AHCTF1: variants seen among roughly 807,000 people sequenced by gnomAD.
AHCTF1 encodes the protein AT-hook containing transcription factor 1, also known as protein ELYS.
Under a neutral mutation model 248.4 loss-of-function variants are expected in AHCTF1, and 24 were observed. The observed-to-expected ratio is 0.10, with a 90% CI of 0.07 to 0.14. The LOEUF (loss-of-function observed/expected upper bound fraction) is 0.14. Among genes scored for constraint, AHCTF1 ranks in the 10% least tolerant of loss-of-function variants. The probability of loss-of-function intolerance (pLI) is 1.00; values close to 1 mark genes in which losing one functional copy is unlikely to be tolerated. For synonymous variants in AHCTF1, 786 were observed against 929.8 expected, an observed-to-expected ratio of 0.85 and a Z score of 2.81; for missense variants, 2,206 against 2,636.2, an observed-to-expected ratio of 0.84 and a Z score of 3.57.
chr1:246,877,675 T>C (rs1663075159), intron 21 of AHCTF1, among the ~76,000 whole-genome samples: 1 of 152,112 alleles, frequency 6.6e-6, no homozygotes, highest in African/African-American at 2.4e-5. Flanking sequence ...AAGACTGAGA[T>C]CTATAGATGG....
At chr1:246,917,296 G>A (rs975231338) in intron 2 of AHCTF1, among the ~76,000 whole-genome samples, 2 of 152,180 alleles carry the variant, frequency 1.3e-5, no homozygotes, top group Admixed American at 6.5e-5. Context: ...CAAGAATCAA[G>A]TACAGACTCC....
chr1:246,924,374 A>G, intron 1 of AHCTF1, among the ~76,000 whole-genome samples: 1 of 152,158 alleles, frequency 6.6e-6, no homozygotes, highest in East Asian at 1.9e-4. Context: ...AATATTCACA[A>G]AACATTAGTG....
chr1:246,928,171 T>C (rs1462146272), intron 1 of AHCTF1, among the ~76,000 whole-genome samples: 8 of 150,556 alleles, frequency 5.3e-5, no homozygotes, highest in Non-Finnish European at 7.4e-5. Flanking sequence ...GGCGTGGTGG[T>C]GGGCACCTGT....
In AHCTF1 at chr1:246,839,469, A is replaced by G; in HGVS notation, c.*1337T>C. On this transcript the variant is annotated 3_prime_UTR_variant, in exon 36 of 36. Transcript: ENST00000648844. ...ATACAAGTTTGATAACTATCATTAA[A>G]AAAGTAATAAAATCAAAGTCAGTGA... 1 of 904,466 alleles carries G rather than the reference A, an allele frequency of 1.1e-6. No homozygotes were observed. Among genetic ancestry groups the G allele is most frequent in the South Asian group, 5.1e-5 (1 of 19,636 alleles). 56.0% of individuals were successfully genotyped at this position (904,466 alleles called of 1,614,324 possible).
intron 26 of AHCTF1, among the ~76,000 whole-genome samples, chr1:246,866,505 C>T (rs1451553664): frequency 6.6e-6 from 1 of 152,150 alleles, no homozygotes; most frequent in Non-Finnish European, 1.5e-5. Flanking sequence ...CATTAAACTA[C>T]ACTCTGTACT....
chr1:246,931,515 G>C (rs917372767), intron 1 of AHCTF1, 63 bp downstream of exon 1: 3 of 420,316 alleles, frequency 7.1e-6, no homozygotes, highest in African/African-American at 4.5e-5. Context: ...GCCGCCGCGG[G>C]TCCAGGCCGC....
intron 6 of AHCTF1, 36 bp from the exon 7 acceptor site, chr1:246,904,069 T>C (rs1314812225): frequency 5.9e-6 from 9 of 1,535,288 alleles, no homozygotes; most frequent in Middle Eastern, 1.7e-4. Context: ...GCTAAATATA[T>C]TAATACATTA....
At chr1:246,912,627 T>C (rs1665892239) in intron 4 of AHCTF1, among the ~76,000 whole-genome samples, 1 of 152,198 alleles carries the variant, frequency 6.6e-6, no homozygotes, top group Non-Finnish European at 1.5e-5. Context: ...AGACTCACAA[T>C]TTTCAAAAAC....
At position 246,877,862 on chromosome 1, in the gene AHCTF1, T is replaced by G. The variant is rs181151873; in HGVS notation, c.2661-560A>C. The stretch of plus-strand genomic sequence containing the variant: ...CCATAAGATCATTTAAATGAAGGAG[T>G]GTTTCTTACACAGAAGTCTTCCAGA... On this transcript the variant is annotated intron_variant, in intron 21 of 35. Transcript: ENST00000648844. Among the ~76,000 whole-genome samples the G allele has an allele frequency of 6.9e-4, 105 of 151,950 alleles. 1 individual carries two copies. Among genetic ancestry groups the G allele is most frequent in the African/African-American group, 2.4e-3 (100 of 41,456 alleles).
At chr1:246,922,212 C>T (rs1327219097) in intron 1 of AHCTF1, among the ~76,000 whole-genome samples, 1 of 152,014 alleles carries the variant, frequency 6.6e-6, no homozygotes, top group Non-Finnish European at 1.5e-5. Context: ...ATACAAAAAT[C>T]AGTCGGGCAT....
intron 18 of AHCTF1, 75 bp downstream of exon 18, chr1:246,888,319 G>C: frequency 1.2e-6 from 2 of 1,611,892 alleles, no homozygotes; most frequent in Non-Finnish European, 1.7e-6. Context: ...GTTTGTGCCA[G>C]ACACACAGCT....
At chr1:246,895,541 T>C (rs1664512491) in intron 13 of AHCTF1, among the ~76,000 whole-genome samples, 1 of 152,112 alleles carries the variant, frequency 6.6e-6, no homozygotes, top group Non-Finnish European at 1.5e-5. Context: ...TTTATGAACA[T>C]GTTTAAAATG....
chr1:246,914,470 T>TA (rs1666011623), intron 3 of AHCTF1, among the ~76,000 whole-genome samples: 2 of 152,224 alleles, frequency 1.3e-5, no homozygotes, highest in Non-Finnish European at 2.9e-5. Flanking sequence ...TACAAAACAT[T>TA]ACTCAGTGTT....
intron 1 of AHCTF1, among the ~76,000 whole-genome samples, chr1:246,929,058 C>CA (rs1421751469): frequency 5.3e-5 from 8 of 152,078 alleles, no homozygotes; most frequent in African/African-American, 1.9e-4. Context: ...AATGCTACTA[C>CA]AATAGAGGTA....
chr1:246,848,755 TAGG>T (rs1174549326), intron 33 of AHCTF1, among the ~76,000 whole-genome samples: 1 of 151,670 alleles, frequency 6.6e-6, no homozygotes, highest in Admixed American at 6.6e-5. Flanking sequence ...GAGGCTGAGG[TAGG>T]AGAATCCCTT....
At chr1:246,926,440 G>A (rs1043154288) in intron 1 of AHCTF1, among the ~76,000 whole-genome samples, 3 of 152,098 alleles carry the variant, frequency 2.0e-5, no homozygotes, top group African/African-American at 7.2e-5. Context: ...TAGCACAAAG[G>A]AGTTCAAAAA....
chr1:246,918,006 A>G (rs978302594), intron 2 of AHCTF1, among the ~76,000 whole-genome samples: 5 of 152,158 alleles, frequency 3.3e-5, no homozygotes, highest in African/African-American at 1.2e-4. Flanking sequence ...AGATAATACT[A>G]AGATACAAAA....
chr1:246,912,312 TA>T lies in AHCTF1; in HGVS notation c.556+919del, dbSNP rs539206612. Among the ~76,000 whole-genome samples the T allele has an allele frequency of 9.1e-3, 1,291 of 141,290 alleles. 10 individuals are homozygous for T. Among genetic ancestry groups the T allele is most frequent in the Middle Eastern group, 0.011 (3 of 276 alleles). 92.7% of individuals were successfully genotyped at this position (141,290 alleles called of 152,430 possible). ...CAATATGGTGAAACCCCATCTCTAC[TA>T]AAAAAAAAAAAATACAAAAATTAGC... On this transcript the variant is annotated intron_variant, in intron 4 of 35. Coordinates refer to ENST00000648844, the MANE Select transcript of AHCTF1 (RefSeq NM_001323342.2).
At chr1:246,916,077 C>T (rs1266723597) in intron 3 of AHCTF1, 65 bp downstream of exon 3, 4 of 1,540,308 alleles carry the variant, frequency 2.6e-6, no homozygotes, top group African/African-American at 1.4e-5. Context: ...AAGTAACACA[C>T]CTATATAACC....
Sources: allele counts gnomAD v4.1 joint callset (sites outside exome capture counted in the v4.1 genomes callset), GRCh38; gene constraint gnomAD v4.1.1; transcripts MANE v1.5; gene names NCBI Gene and HGNC (gene_info 2026-07-23, HGNC 2026-07-21).